PKN2: variants seen among roughly 807,000 people sequenced by gnomAD.
PKN2 encodes the protein protein kinase N2.
In PKN2, 38 loss-of-function variants were observed where a neutral mutation model predicts 119.1. That is an observed-to-expected ratio of 0.32 (90% CI 0.25 to 0.42). The LOEUF (loss-of-function observed/expected upper bound fraction) is 0.42. Among genes scored for constraint, PKN2 ranks in the 10% least tolerant of loss-of-function variants. The pLI is 1.00. For missense variants in PKN2, 850 were observed against 1,165.1 expected, an observed-to-expected ratio of 0.73 and a Z score of 3.94; for synonymous variants, 390 against 384.9, an observed-to-expected ratio of 1.01 and a Z score of -0.15.
intron 6 of PKN2, among the ~76,000 whole-genome samples, chr1:88,778,373 G>C (rs989325084): frequency 1.3e-5 from 2 of 152,234 alleles, no homozygotes; most frequent in African/African-American, 4.8e-5. Context: ...GCTGGGCCCT[G>C]TGCTTGAGCA....
chr1:88,802,374 G>A (rs1374582108), intron 8 of PKN2, among the ~76,000 whole-genome samples: 3 of 151,020 alleles, frequency 2.0e-5, no homozygotes, highest in Non-Finnish European at 4.4e-5. Context: ...TGCCCAGGCT[G>A]GAGTGTAGTG....
In PKN2 at chr1:88,760,280, T is replaced by G; in HGVS notation, c.408T>G (p.Asn136Lys). 1.3e-6 allele frequency: 2 copies of G among 1,576,724 alleles called. No individual in the cohort carries two copies. The highest frequency in any genetic ancestry group is 1.7e-6 in the Non-Finnish European group (2 of 1,147,792). The part of the protein sequence containing the change: ...NNDPRCSTSN[N>K]RLKALQKQLD... ...ACCCTCGTTGTTCTACTAGCAACAA[T>G]AGATTGAAGGCCTTACAAAAACAAT... Residue 136 changes from asparagine (N) to lysine (K), a missense_variant, in exon 3 of 22, where the codon AAT becomes AAG. This residue lies in a region of PKN2 where 350 missense variants were observed against 511.1 expected (regional missense o/e 0.68). Transcript: ENST00000370521.
chr1:88,820,235 A>AGATAG (rs1672216340), intron 16 of PKN2, among the ~76,000 whole-genome samples: 1 of 93,498 alleles, frequency 1.1e-5, no homozygotes, highest in African/African-American at 5.9e-5. Flanking sequence ...TATATATATA[A>AGATAG]ATAGAAAAAA....
intron 3 of PKN2, among the ~76,000 whole-genome samples, chr1:88,761,441 A>G (rs1024447266): frequency 3.3e-5 from 5 of 151,712 alleles, no homozygotes; most frequent in Admixed American, 2.6e-4. Flanking sequence ...TCAGAGGGAA[A>G]TATTTTTTTT....
chr1:88,712,130 T>C (rs1415438738), intron 1 of PKN2, among the ~76,000 whole-genome samples: 1 of 152,114 alleles, frequency 6.6e-6, no homozygotes, highest in Admixed American at 6.6e-5. Flanking sequence ...GGCTTAAAAG[T>C]CACAACTGTT....
intron 8 of PKN2, among the ~76,000 whole-genome samples, chr1:88,798,180 G>A (rs59426419): frequency 0.051 from 7,765 of 151,410 alleles, 376 homozygotes; most frequent in African/African-American, 0.12. Context: ...ACATGAGCTT[G>A]CATACAAAAT....
At chr1:88,755,065 A>C (rs1310004031) in intron 2 of PKN2, among the ~76,000 whole-genome samples, 1 of 152,210 alleles carries the variant, frequency 6.6e-6, no homozygotes. Flanking sequence ...ATTTAAGAGT[A>C]GATTCACCTC....
intron 8 of PKN2, among the ~76,000 whole-genome samples, chr1:88,803,462 A>T (rs1014912840): frequency 2.6e-5 from 4 of 152,080 alleles, no homozygotes; most frequent in African/African-American, 9.7e-5. Context: ...CTTTTTGTGG[A>T]TGGTGTACAG....
At chr1:88,769,155 A>G (rs1669784375) in intron 3 of PKN2, among the ~76,000 whole-genome samples, 2 of 152,204 alleles carry the variant, frequency 1.3e-5, no homozygotes, top group South Asian at 4.1e-4. Flanking sequence ...AGAGGGACAA[A>G]CATCCAAACC....
chr1:88,813,415 A>G, intron 15 of PKN2, 142 bp from the exon 16 acceptor site: 1 of 574,686 alleles, frequency 1.7e-6, no homozygotes, highest in Non-Finnish European at 3.0e-6. Flanking sequence ...CATAGCACAT[A>G]TAGCAAAACT....
chr1:88,827,898 GT>G (rs1163848225), intron 18 of PKN2, among the ~76,000 whole-genome samples: 1 of 150,532 alleles, frequency 6.6e-6, no homozygotes, highest in Non-Finnish European at 1.5e-5. Flanking sequence ...TTTTGTTTTT[GT>G]TTTTTTTGTA....
At chr1:88,752,692 A>C (rs1458487402) in intron 2 of PKN2, among the ~76,000 whole-genome samples, 1 of 152,030 alleles carries the variant, frequency 6.6e-6, no homozygotes, top group Non-Finnish European at 1.5e-5. Context: ...TTTTGCCTTA[A>C]AGTATCTTTT....
At chr1:88,790,494 A>G (rs1670779103) in intron 8 of PKN2, among the ~76,000 whole-genome samples, 2 of 152,108 alleles carry the variant, frequency 1.3e-5, no homozygotes, top group Admixed American at 1.3e-4. Flanking sequence ...GAGTTGTGTA[A>G]TTATTATTTA....
chr1:88,829,114 A>C, intron 19 of PKN2: 1 of 728,398 alleles, frequency 1.4e-6, no homozygotes, highest in Non-Finnish European at 2.6e-6. Flanking sequence ...GGATGGAGAG[A>C]GGAGAAAACC....
intron 16 of PKN2, among the ~76,000 whole-genome samples, chr1:88,820,198 A>C (rs1343181478): frequency 2.3e-5 from 1 of 43,936 alleles, no homozygotes; most frequent in Non-Finnish European, 4.6e-5. Context: ...ATATATATAT[A>C]TATATATATA....
chr1:88,784,815 G>C lies in PKN2; in HGVS notation c.1162G>C (p.Asp388His). ...GSSRNLLKTD[D>H]LSNDVCAVLK... The stretch of plus-strand genomic sequence containing the variant: ...TAGTCGAAATCTTCTAAAAACCGAT[G>C]ACTTGTCCAGTTCAGTAACCAGATT... Residue 388 changes from aspartate (D) to histidine (H), a missense_variant, in exon 7 of 22, where the codon GAC (aspartate) becomes CAC (histidine). By Grantham distance (81) the Asp-to-His change is moderately conservative. Coordinates refer to ENST00000370521, the MANE Select transcript of PKN2 (RefSeq NM_006256.4). 4 of 1,604,802 alleles carry C rather than the reference G, an allele frequency of 2.5e-6. No individual in the cohort carries two copies. The highest frequency in any genetic ancestry group is 3.4e-6 in the Non-Finnish European group (4 of 1,174,458).
chr1:88,829,919 A>T (rs1479159699), intron 19 of PKN2, among the ~76,000 whole-genome samples: 1 of 152,188 alleles, frequency 6.6e-6, no homozygotes, highest in African/African-American at 2.4e-5. Context: ...GTTTCGCCGG[A>T]TGGATAACCC....
At position 88,762,785 on chromosome 1, in the gene PKN2, A is replaced by G. The variant is rs145616666; in HGVS notation, c.504+2409A>G. On this transcript the variant is annotated intron_variant, in intron 3 of 21. Transcript: ENST00000370521. Reference sequence around the variant, plus strand: ...CCAATAAAATCTTTTAAGTTTTAGTACGATATTTGAAAAATGATTTGGCAT... The same window carrying G: ...CCAATAAAATCTTTTAAGTTTTAGTGCGATATTTGAAAAATGATTTGGCAT... Among the ~76,000 whole-genome samples the G allele has an allele frequency of 2.6e-5, 4 of 152,364 alleles. No homozygotes were observed. The East Asian group carries it at 7.7e-4, about 29-fold the overall frequency.
chr1:88,698,049 T>C (rs1275780658), intron 1 of PKN2, among the ~76,000 whole-genome samples: 3 of 152,204 alleles, frequency 2.0e-5, no homozygotes, highest in African/African-American at 7.2e-5. Flanking sequence ...AGCCCTTTAG[T>C]CCTGAAGAAA....
Sources: allele counts gnomAD v4.1 joint callset (sites outside exome capture counted in the v4.1 genomes callset), GRCh38; gene constraint gnomAD v4.1.1; regional missense constraint gnomAD v4.1.1; transcripts MANE v1.5; gene names NCBI Gene and HGNC (gene_info 2026-07-23, HGNC 2026-07-21).